Variants in WNT2 observed in about 807,000 individuals in gnomAD.
WNT2 encodes Wnt family member 2.
Under a neutral mutation model 36.9 loss-of-function variants are expected in WNT2, and 12 were observed. The ratio of observed to expected loss-of-function variants is 0.33; its 90% CI spans 0.21 to 0.53. The LOEUF is 0.53. Among genes scored for constraint, WNT2 ranks in the 20% least tolerant of loss-of-function variants. The pLI is 0.95. For synonymous variants in WNT2, 163 were observed against 174.6 expected (o/e 0.93, Z 0.52); for missense variants, 379 against 473.1 (o/e 0.80, Z 1.84).
chr7:117,302,756 C>T (rs1794932450), intron 3 of WNT2, among the ~76,000 whole-genome samples: 1 of 152,152 alleles, frequency 6.6e-6, no homozygotes, highest in Non-Finnish European at 1.5e-5. Flanking sequence ...GTAGGTCAGT[C>T]TTACAGGCAG....
intron 3 of WNT2, among the ~76,000 whole-genome samples, chr7:117,304,579 G>C (rs1794979367): frequency 6.6e-6 from 1 of 151,998 alleles, no homozygotes; most frequent in African/African-American, 2.4e-5. Context: ...GGGATTACAG[G>C]CATCCGCCAC....
At chr7:117,280,222 T>C (rs1794457749) in intron 4 of WNT2, among the ~76,000 whole-genome samples, 1 of 152,140 alleles carries the variant, frequency 6.6e-6, no homozygotes, top group Non-Finnish European at 1.5e-5. Context: ...TGAAGAAGCA[T>C]GGGGTTAGAA....
intron 4 of WNT2, among the ~76,000 whole-genome samples, chr7:117,282,245 TG>T (rs746880776): frequency 6.6e-5 from 10 of 152,142 alleles, no homozygotes; most frequent in Admixed American, 5.9e-4. Context: ...ACAGGTCATG[TG>T]GGTGTGTCCA....
chr7:117,302,312 A>G (rs1421972935), intron 3 of WNT2, among the ~76,000 whole-genome samples: 1 of 152,210 alleles, frequency 6.6e-6, no homozygotes, highest in African/African-American at 2.4e-5. Context: ...AACTGGAGAA[A>G]TGCAAACTGA....
chr7:117,294,562 A>G (rs1274804052), intron 4 of WNT2, among the ~76,000 whole-genome samples: 1 of 150,188 alleles, frequency 6.7e-6, no homozygotes, highest in African/African-American at 2.5e-5. Context: ...ATCTTACTGG[A>G]AATCTGATCC....
At chr7:117,308,976 G>A (rs115337642) in intron 3 of WNT2, among the ~76,000 whole-genome samples, 172 of 151,608 alleles carry the variant, frequency 1.1e-3, no homozygotes, top group African/African-American at 4.0e-3. Context: ...TTGGGCCCAG[G>A]AGTTTCAGAC....
At chr7:117,293,968 A>G (rs145210376) in intron 4 of WNT2, among the ~76,000 whole-genome samples, 187 of 152,346 alleles carry the variant, frequency 1.2e-3, no homozygotes, top group African/African-American at 4.0e-3. Context: ...AGGACACTCC[A>G]GGATGACTCT....
intron 4 of WNT2, among the ~76,000 whole-genome samples, chr7:117,282,290 T>G (rs1310330413): frequency 6.6e-6 from 1 of 151,906 alleles, no homozygotes; most frequent in African/African-American, 2.4e-5. Flanking sequence ...ACACATGGAA[T>G]GTGGGCACTC....
chr7:117,295,388 G>T (rs529811039), intron 4 of WNT2, among the ~76,000 whole-genome samples: 1 of 152,328 alleles, frequency 6.6e-6, no homozygotes, highest in East Asian at 1.9e-4. Context: ...TTAAGAAAGA[G>T]AATTTCTTTC....
intron 4 of WNT2, among the ~76,000 whole-genome samples, chr7:117,283,969 G>A (rs1030370413): frequency 5.9e-5 from 9 of 152,098 alleles, no homozygotes; most frequent in Non-Finnish European, 1.3e-4. Flanking sequence ...ATGAGGCATC[G>A]GGGCACCAAG....
intron 4 of WNT2, among the ~76,000 whole-genome samples, chr7:117,297,333 C>A (rs1317074241): frequency 6.6e-6 from 1 of 152,266 alleles, no homozygotes; most frequent in Admixed American, 6.5e-5. Context: ...TGCGCACCAC[C>A]ATGCCCAGCT....
At chr7:117,296,492 TA>T (rs200088733) in intron 4 of WNT2, among the ~76,000 whole-genome samples, 54 of 151,594 alleles carry the variant, frequency 3.6e-4, no homozygotes, top group African/African-American at 1.1e-3. Flanking sequence ...TATTTTGAAA[TA>T]AAAAAAAATC....
chr7:117,301,232 T>C (rs1005550005), intron 3 of WNT2, among the ~76,000 whole-genome samples: 12 of 152,174 alleles, frequency 7.9e-5, no homozygotes, highest in Non-Finnish European at 2.9e-5. Context: ...ACGCACAGCA[T>C]GTTCAGTGCT....
At chr7:117,289,094 C>G (rs1205609150) in intron 4 of WNT2, among the ~76,000 whole-genome samples, 1 of 116,812 alleles carries the variant, frequency 8.6e-6, no homozygotes, top group Admixed American at 1.2e-4. Flanking sequence ...GAGTCTTGCT[C>G]TGTTGCTCAG....
chr7:117,303,949 T>C (rs1187794437), intron 3 of WNT2, among the ~76,000 whole-genome samples: 1 of 152,220 alleles, frequency 6.6e-6, no homozygotes, highest in Non-Finnish European at 1.5e-5. Flanking sequence ...TTCCGTCCTC[T>C]TGTGCCAACC....
At chr7:117,320,414 T>A in intron 2 of WNT2, 153 bp downstream of exon 2, 1 of 730,832 alleles carries the variant, frequency 1.4e-6, no homozygotes, top group Non-Finnish European at 2.3e-6. Context: ...ATTTCTCTAG[T>A]CCTCACCTGT....
At chr7:117,299,528 T>G (rs1473667961) in intron 3 of WNT2, among the ~76,000 whole-genome samples, 1 of 150,616 alleles carries the variant, frequency 6.6e-6, no homozygotes, top group Non-Finnish European at 1.5e-5. Context: ...AATCTCACCC[T>G]GCTGCCCAGG....
rs5886850 is a variant in WNT2, at chr7:117,294,593, T to TA, written c.853+3018dup. ...GATCCAATATATTGGAACTGGCAAC[T>TA]AAAAAAAAAAAAAAAAAAGAATAGG... On this transcript the variant is annotated intron_variant, in intron 4 of 4. Transcript: ENST00000265441. Among the ~76,000 whole-genome samples, 309 of 128,422 alleles carry TA rather than the reference T, an allele frequency of 2.4e-3. 3 individuals are homozygous for TA. The South Asian group carries it at 0.027, about 11-fold the overall frequency. The allele number at this position is 128,422 out of a possible 152,430, so 84.2% of individuals were successfully genotyped here.
At chr7:117,280,937 CT>C (rs1794471556) in intron 4 of WNT2, among the ~76,000 whole-genome samples, 1 of 152,186 alleles carries the variant, frequency 6.6e-6, no homozygotes, top group Admixed American at 6.5e-5. Context: ...CCCTCAGGAG[CT>C]TATGTTCTAA....
Sources: gnomAD v4.1 joint callset for allele counts (sites outside exome capture counted in the v4.1 genomes callset) on GRCh38, gnomAD v4.1.1 for gene constraint, MANE v1.5 for transcripts, NCBI Gene and HGNC (gene_info 2026-07-23, HGNC 2026-07-21) for gene names.